Variants in TUFT1 observed in about 807,000 individuals in gnomAD.
TUFT1 encodes tuftelin.
In TUFT1, 43 loss-of-function variants were observed where a neutral mutation model predicts 57.8. The observed-to-expected ratio is 0.74, with a 90% CI of 0.58 to 0.96. TUFT1 has a LOEUF of 0.96. Ranked by LOEUF, TUFT1 falls within the 40% of genes least tolerant of loss-of-function variation. The pLI is 0.00. For synonymous variants in TUFT1, 166 were observed against 176.7 expected (o/e 0.94, Z 0.48); for missense variants, 459 against 489.0 (o/e 0.94, Z 0.58).
chr1:151,548,912 C>T (rs1665427706), intron 1 of TUFT1, among the ~76,000 whole-genome samples: 3 of 152,120 alleles, frequency 2.0e-5, no homozygotes. Flanking sequence ...GAGAACTCTG[C>T]ACCTCTCTCC....
intron 1 of TUFT1, among the ~76,000 whole-genome samples, chr1:151,544,521 T>C (rs1665273204): frequency 6.6e-6 from 1 of 152,186 alleles, no homozygotes. Context: ...GGTCTCAAAC[T>C]CCTGACCTCA....
At chr1:151,545,180 C>T (rs1404786200) in intron 1 of TUFT1, among the ~76,000 whole-genome samples, 2 of 151,974 alleles carry the variant, frequency 1.3e-5, no homozygotes, top group East Asian at 1.9e-4. Flanking sequence ...TGTGGTGGTG[C>T]GCACCTATAA....
At chr1:151,560,112 T>G (rs1268350793) in intron 1 of TUFT1, among the ~76,000 whole-genome samples, 1 of 148,538 alleles carries the variant, frequency 6.7e-6, no homozygotes, top group Non-Finnish European at 1.5e-5. Context: ...TAAGTAATAT[T>G]CAACAAAAAA....
chr1:151,540,333 A>T lies in TUFT1; in HGVS notation c.-34A>T, dbSNP rs753548530. ...CAGTTGGAGCCAGACAGCGGGGTGG[A>T]CAAGTGGCGTGTGTGCTGCGACCCC... On this transcript the variant is annotated 5_prime_UTR_variant, in exon 1 of 13. Transcript: ENST00000368849. 2 of 1,613,784 alleles carry T rather than the reference A, an allele frequency of 1.2e-6. No individual in the cohort carries two copies. Among genetic ancestry groups the T allele is most frequent in the Non-Finnish European group, 1.7e-6 (2 of 1,179,834 alleles).
chr1:151,557,697 G>T, intron 1 of TUFT1: 1 of 821,504 alleles, frequency 1.2e-6, no homozygotes, highest in East Asian at 2.4e-5. Flanking sequence ...ACCTTCATCT[G>T]CCCCGGAGAT....
chr1:151,556,199 G>A (rs908613040), intron 1 of TUFT1, among the ~76,000 whole-genome samples: 12 of 152,186 alleles, frequency 7.9e-5, no homozygotes, highest in African/African-American at 2.9e-4. Context: ...TTGCTGAGTA[G>A]TATTCCACAA....
At chr1:151,546,365 T>C (rs1047209764) in intron 1 of TUFT1, among the ~76,000 whole-genome samples, 2 of 152,270 alleles carry the variant, frequency 1.3e-5, no homozygotes, top group African/African-American at 4.8e-5. Context: ...TAATTTTTTA[T>C]GAACAGCTTT....
At chr1:151,580,016 C>T (rs1302739727) in intron 11 of TUFT1, among the ~76,000 whole-genome samples, 1 of 152,188 alleles carries the variant, frequency 6.6e-6, no homozygotes, top group Non-Finnish European at 1.5e-5. Context: ...CTAATTCTGA[C>T]CCTCCAGGCT....
Position 151,540,440 on chromosome 1 carries a change from C to T in TUFT1, c.60+14C>T, listed in dbSNP as rs1347516413. ...GACCAGGCGGCGGTAAGAAAAAGCG[C>T]TCTCGCTGTCTTCTCCGTTTTGTAT... On this transcript the variant is annotated intron_variant, in intron 1 of 12. Coordinates refer to ENST00000368849, the MANE Select transcript of TUFT1 (RefSeq NM_020127.3). 1 of 1,614,070 alleles carries T rather than the reference C, an allele frequency of 6.2e-7. No individual in the cohort carries two copies. The highest frequency in any genetic ancestry group is 8.5e-7 in the Non-Finnish European group (1 of 1,179,918).
rs1376547080 is a variant in TUFT1, at chr1:151,579,709, A to C, written c.985A>C (p.Lys329Gln). The C allele has an allele frequency of 3.1e-6, 5 of 1,613,936 alleles. No homozygotes were observed. The highest frequency in any genetic ancestry group is 4.2e-6 in the Non-Finnish European group (5 of 1,179,950). ...CGCCACCATCCAGGAGCTCAAGGAG[A>C]AAATCGCCTATCTGGAGGCAGAGGT... is the stretch of plus-strand genomic sequence containing the variant. ...KDATIQELKE[K>Q]IAYLEAENLE... The change falls in exon 11 of 13, where the codon AAA (lysine) becomes CAA (glutamine). Residue 329 changes from lysine to glutamine, a missense_variant. Coordinates refer to ENST00000368849, the MANE Select transcript of TUFT1 (RefSeq NM_020127.3).
At chr1:151,575,038 G>A (rs1299553241) in intron 9 of TUFT1, 33 bp downstream of exon 9, 5 of 1,543,514 alleles carry the variant, frequency 3.2e-6, no homozygotes, top group Admixed American at 2.0e-5. Flanking sequence ...CGGTGAAGTT[G>A]GGTTGCAGGG....
chr1:151,542,529 G>T (rs1192652928), intron 1 of TUFT1, among the ~76,000 whole-genome samples: 1 of 152,018 alleles, frequency 6.6e-6, no homozygotes, highest in African/African-American at 2.4e-5. Context: ...ACTACATCTG[G>T]CCCCTTTTAC....
chr1:151,563,855 T>G, intron 3 of TUFT1, 49 bp from the exon 4 acceptor site: 1 of 1,521,192 alleles, frequency 6.6e-7, no homozygotes, highest in Admixed American at 1.7e-5. Context: ...TATTTTTGTA[T>G]AGTTAATTTA....
chr1:151,559,632 G>C (rs1392595540), intron 1 of TUFT1, among the ~76,000 whole-genome samples: 1 of 152,132 alleles, frequency 6.6e-6, no homozygotes, highest in Non-Finnish European at 1.5e-5. Flanking sequence ...TTATTTCATA[G>C]GAATTAAGTG....
At chr1:151,579,591 G>C in intron 10 of TUFT1, 58 bp from the exon 11 acceptor site, 1 of 1,579,388 alleles carries the variant, frequency 6.3e-7, no homozygotes, top group Non-Finnish European at 8.7e-7. Context: ...GGTGAAGTCT[G>C]GTGAGTGTGT....
chr1:151,576,692 G>A (rs1291434486), intron 9 of TUFT1, among the ~76,000 whole-genome samples: 3 of 152,150 alleles, frequency 2.0e-5, no homozygotes, highest in African/African-American at 7.2e-5. Flanking sequence ...GAGTGCAGTG[G>A]TGCAATCTCG....
At chr1:151,567,823 G>A (rs1666131180) in intron 6 of TUFT1, among the ~76,000 whole-genome samples, 1 of 152,376 alleles carries the variant, frequency 6.6e-6, no homozygotes, top group East Asian at 1.9e-4. Context: ...TAGGATTACA[G>A]GCGTGAGCCA....
intron 1 of TUFT1, 130 bp downstream of exon 1, chr1:151,540,556 G>T: frequency 9.8e-7 from 1 of 1,021,650 alleles, no homozygotes; most frequent in African/African-American, 1.6e-5. Context: ...CCTGCGCGGC[G>T]CTTCTCTCTT....
chr1:151,577,018 C>T (rs1666489034), intron 9 of TUFT1, among the ~76,000 whole-genome samples: 1 of 152,186 alleles, frequency 6.6e-6, no homozygotes. Flanking sequence ...AAGCAATCCT[C>T]CCACCTCGCC....
Sources: gnomAD v4.1 joint callset for allele counts (sites outside exome capture counted in the v4.1 genomes callset) on GRCh38, gnomAD v4.1.1 for gene constraint, MANE v1.5 for transcripts, NCBI Gene and HGNC (gene_info 2026-07-23, HGNC 2026-07-21) for gene names.